The following NDRG4 variants were observed in gnomAD, a reference collection of about 807,000 sequenced individuals.
NDRG4 encodes the protein NDRG family member 4.
In NDRG4, 38 loss-of-function variants were observed where a neutral mutation model predicts 55.8. The observed-to-expected ratio is 0.68, with a 90% CI of 0.53 to 0.89. The LOEUF is 0.89. NDRG4 is among the 40% of genes least tolerant of loss of function. NDRG4 has a pLI of 0.00. For missense variants in NDRG4, 455 were observed against 468.6 expected (o/e 0.97, Z 0.27); for synonymous variants, 190 against 182.7 (o/e 1.04, Z -0.32).
intron 1 of NDRG4, chr16:58,501,801 A>G (rs1181705630): frequency 1.4e-5 from 5 of 350,230 alleles, no homozygotes; most frequent in Non-Finnish European, 2.3e-5. Context: ...GGGCTGGGAG[A>G]AGACAGTGGG....
At chr16:58,495,335 C>T, upstream of NDRG4, 1 of 278,730 alleles carries the variant, frequency 3.6e-6, no homozygotes, top group Non-Finnish European at 6.9e-6. Context: ...TTAGTTGATG[C>T]CAGGTTCTCC....
At chr16:58,465,255 T>TG in intron 1 of NDRG4, 1 of 541,170 alleles carries the variant, frequency 1.8e-6, no homozygotes, top group Non-Finnish European at 3.3e-6. Flanking sequence ...CTCCGACACC[T>TG]GGGGGAGGGG....
chr16:58,483,792 T>C (rs549337169), intron 1 of NDRG4, among the ~76,000 whole-genome samples: 2 of 152,388 alleles, frequency 1.3e-5, no homozygotes, highest in East Asian at 1.9e-4. Context: ...AGGCTGGGCA[T>C]GGTGGCTTAC....
At chr16:58,472,330 G>C (rs1353289249) in intron 1 of NDRG4, 1 of 152,256 alleles carries the variant, frequency 6.6e-6, no homozygotes, top group African/African-American at 2.4e-5. Flanking sequence ...GGGTGGCCTG[G>C]GGGTGCTTTT....
intron 13 of NDRG4, among the ~76,000 whole-genome samples, chr16:58,509,842 C>T (rs890786): frequency 0.13 from 19,729 of 152,138 alleles, 1,638 homozygotes; most frequent in Admixed American, 0.24. Flanking sequence ...GGGAAGGCAA[C>T]TGGGGCCGCC....
intron 1 of NDRG4, among the ~76,000 whole-genome samples, chr16:58,484,215 CA>C (rs930669061): frequency 6.6e-6 from 1 of 151,782 alleles, no homozygotes; most frequent in East Asian, 1.9e-4. Context: ...ACTAAAAATA[CA>C]AAAAAAATTA....
intron 1 of NDRG4, among the ~76,000 whole-genome samples, chr16:58,480,977 C>G (rs2034309715): frequency 6.6e-6 from 1 of 151,366 alleles, no homozygotes; most frequent in Non-Finnish European, 1.5e-5. Context: ...CCACTGCATT[C>G]CAGCCTGGGC....
chr16:58,508,427 C>T (rs1293531429), intron 10 of NDRG4, among the ~76,000 whole-genome samples: 1 of 152,224 alleles, frequency 6.6e-6, no homozygotes, highest in Non-Finnish European at 1.5e-5. Context: ...TGTCACCTCT[C>T]CTGCTGGAAC....
intron 10 of NDRG4, among the ~76,000 whole-genome samples, chr16:58,508,339 C>T (rs2038323646): frequency 1.3e-5 from 2 of 152,192 alleles, no homozygotes; most frequent in African/African-American, 4.8e-5. Context: ...GTGATCAAGC[C>T]ATTATAAATC....
chr16:58,477,504 CA>C (rs982751105), intron 1 of NDRG4, among the ~76,000 whole-genome samples: 8 of 102,884 alleles, frequency 7.8e-5, no homozygotes, highest in Non-Finnish European at 1.3e-4. Flanking sequence ...AACAATGAAA[CA>C]AATAATGATA....
At chr16:58,493,155 C>G (rs2035991955) in intron 2 of NDRG4, among the ~76,000 whole-genome samples, 1 of 152,228 alleles carries the variant, frequency 6.6e-6, no homozygotes. Context: ...GCTTTCCACT[C>G]CTGTGATTTG....
intron 1 of NDRG4, among the ~76,000 whole-genome samples, chr16:58,467,791 A>G (rs568029892): frequency 3.9e-5 from 6 of 152,254 alleles, no homozygotes; most frequent in African/African-American, 1.4e-4. Flanking sequence ...TAGGTGTGTG[A>G]GCGTGTGCAA....
At position 58,512,530 on chromosome 16, in the gene NDRG4, C is replaced by G. The variant is rs3803581; in HGVS notation, c.*954C>G. On this transcript the variant is annotated 3_prime_UTR_variant, in exon 15 of 15. Transcript: ENST00000570248. ...TGTGGTGTTTCAGGCAGAGCTCTGG[C>G]CAGGCTGTGCCAGTGTGTCCCGGAC... 0.053 allele frequency: 11,502 copies of G among 215,310 alleles called. 826 individuals are homozygous for G. The highest frequency in any genetic ancestry group is 0.25 in the East Asian group (1,528 of 6,032). The allele number at this position is 215,310 out of a possible 1,614,324, so 13.3% of individuals were successfully genotyped here.
chr16:58,498,566 CG>C (rs369304787), upstream of NDRG4, among the ~76,000 whole-genome samples: 143 of 152,260 alleles, frequency 9.4e-4, no homozygotes, highest in South Asian at 5.4e-3. Context: ...GAGAGGAAGC[CG>C]GATAGGAGGC....
At chr16:58,498,151 G>A (rs532446368), upstream of NDRG4, among the ~76,000 whole-genome samples, 99 of 152,234 alleles carry the variant, frequency 6.5e-4, no homozygotes, top group Admixed American at 1.2e-3. Context: ...TGGAGTGGGC[G>A]TAGGATTGGG....
chr16:58,507,083 G>C, intron 8 of NDRG4, 68 bp downstream of exon 8: 2 of 1,230,124 alleles, frequency 1.6e-6, no homozygotes, highest in Non-Finnish European at 2.4e-6. Context: ...ACTGCCCCCT[G>C]AGGGAGGCAG....
chr16:58,496,647 C>T (rs945954589), upstream of NDRG4, among the ~76,000 whole-genome samples: 1 of 152,132 alleles, frequency 6.6e-6, no homozygotes, highest in Non-Finnish European at 1.5e-5. Flanking sequence ...GCCCAAGTCA[C>T]TCCATTTGTC....
intron 2 of NDRG4, among the ~76,000 whole-genome samples, chr16:58,491,204 A>G (rs2035745184): frequency 6.6e-6 from 1 of 151,660 alleles, no homozygotes; most frequent in Non-Finnish European, 1.5e-5. Flanking sequence ...TCAACCCGGG[A>G]GGTGGAGGTG....
At chr16:58,509,978 C>T (rs572469030) in intron 13 of NDRG4, among the ~76,000 whole-genome samples, 1 of 152,308 alleles carries the variant, frequency 6.6e-6, no homozygotes, top group South Asian at 2.1e-4. Context: ...CCTTGTGTGT[C>T]TCCTTGACTT....
Sources: allele counts gnomAD v4.1 joint callset (sites outside exome capture counted in the v4.1 genomes callset), GRCh38; gene constraint gnomAD v4.1.1; transcripts MANE v1.5; gene names NCBI Gene and HGNC (gene_info 2026-07-23, HGNC 2026-07-21).